Variants in ANKFN1 observed in about 807,000 individuals in gnomAD.
The protein encoded by ANKFN1 is ankyrin repeat and fibronectin type III domain containing 1.
ANKFN1 carries 74 observed loss-of-function variants against 108.7 expected under a neutral mutation model. That is an observed-to-expected ratio of 0.68 (90% CI 0.56 to 0.83). ANKFN1 has a LOEUF of 0.83. ANKFN1 is among the 40% of genes least tolerant of loss of function. The pLI, the probability that ANKFN1 is intolerant of heterozygous loss-of-function variation, is 0.00. For missense variants in ANKFN1, 1,505 were observed against 1,382.3 expected, an observed-to-expected ratio of 1.09 and a Z score of -1.41; for synonymous variants, 547 against 516.2, an observed-to-expected ratio of 1.06 and a Z score of -0.81.
intron 8 of ANKFN1, among the ~76,000 whole-genome samples, chr17:56,377,784 G>A (rs936757839): frequency 2.0e-5 from 3 of 152,172 alleles, no homozygotes; most frequent in Non-Finnish European, 2.9e-5. Context: ...GGTTAGGAAG[G>A]CATCCTGAAA....
intron 6 of ANKFN1, among the ~76,000 whole-genome samples, chr17:56,369,706 A>G (rs181579211): frequency 1.8e-3 from 276 of 152,324 alleles, no homozygotes; most frequent in African/African-American, 6.0e-3. Context: ...TAGTAGACAA[A>G]AAAAATCTTT....
intron 14 of ANKFN1, among the ~76,000 whole-genome samples, chr17:56,465,785 T>A (rs1458848517): frequency 6.6e-6 from 1 of 152,210 alleles, no homozygotes; most frequent in Non-Finnish European, 1.5e-5. Context: ...GATTTTTAAA[T>A]AAACAGAAGC....
Position 56,513,072 on chromosome 17 carries a change from A to G in ANKFN1, c.*1803A>G, listed in dbSNP as rs187243273. ...AGTCCGTGGGTTTGCAGGTAGGGCA[A>G]TTAAGACCCAGAGAGGTTAAGTAAC... is the stretch of plus-strand genomic sequence containing the variant. On this transcript the variant is annotated 3_prime_UTR_variant, in exon 21 of 21. Transcript: ENST00000682825. 1.1e-3 allele frequency among the ~76,000 whole-genome samples: 166 copies of G among 152,336 alleles called. No individual in the cohort carries two copies. Among genetic ancestry groups the G allele is most frequent in the African/African-American group, 3.7e-3 (155 of 41,572 alleles).
intron 3 of ANKFN1, among the ~76,000 whole-genome samples, chr17:56,313,953 C>T (rs1298852414): frequency 6.6e-6 from 1 of 152,212 alleles, no homozygotes; most frequent in Non-Finnish European, 1.5e-5. Flanking sequence ...ACAACCTAGG[C>T]AGCCAGTGTT....
intron 1 of ANKFN1, among the ~76,000 whole-genome samples, chr17:56,173,424 T>C (rs559306439): frequency 6.8e-4 from 103 of 152,336 alleles, no homozygotes; most frequent in Non-Finnish European, 1.2e-3. Context: ...TGGTTTATAC[T>C]GCATAGACAC....
At chr17:56,337,554 G>A (rs1044621138) in intron 4 of ANKFN1, among the ~76,000 whole-genome samples, 1 of 152,024 alleles carries the variant, frequency 6.6e-6, no homozygotes, top group Non-Finnish European at 1.5e-5. Context: ...GACAATTTTT[G>A]CAATCTACTC....
At chr17:56,282,988 T>A (rs1405458887) in intron 3 of ANKFN1, among the ~76,000 whole-genome samples, 1 of 152,220 alleles carries the variant, frequency 6.6e-6, no homozygotes, top group Admixed American at 6.5e-5. Context: ...ACTTTTATTT[T>A]AGGTTCAGGG....
chr17:56,228,097 C>A, intron 3 of ANKFN1, 140 bp downstream of exon 3: 2 of 676,602 alleles, frequency 3.0e-6, no homozygotes, highest in Non-Finnish European at 4.8e-6. Context: ...ACATTTCATA[C>A]TATTGATTTG....
At chr17:56,065,807 C>G (rs191718258) in intron 4 of ANKFN1, among the ~76,000 whole-genome samples, 6 of 152,178 alleles carry the variant, frequency 3.9e-5, no homozygotes, top group African/African-American at 1.2e-4. Context: ...ATAACAGATA[C>G]AGTAATAACG....
intron 3 of ANKFN1, among the ~76,000 whole-genome samples, chr17:56,270,892 T>C (rs2043775783): frequency 6.6e-6 from 1 of 152,226 alleles, no homozygotes; most frequent in East Asian, 1.9e-4. Flanking sequence ...CCCTTATCAC[T>C]CCAGCTATAG....
chr17:56,377,889 TG>T (rs1473683751), intron 8 of ANKFN1, among the ~76,000 whole-genome samples: 1 of 152,118 alleles, frequency 6.6e-6, no homozygotes, highest in Admixed American at 6.5e-5. Context: ...GGCCACACCT[TG>T]GGGTTTGCTA....
chr17:56,396,723 C>A (rs1398518738), intron 8 of ANKFN1, among the ~76,000 whole-genome samples: 1 of 152,096 alleles, frequency 6.6e-6, no homozygotes, highest in Non-Finnish European at 1.5e-5. Flanking sequence ...GGAGTAGGTA[C>A]TACTATTATC....
chr17:56,442,699 G>C, intron 9 of ANKFN1, 144 bp from the exon 10 acceptor site: 1 of 591,848 alleles, frequency 1.7e-6, no homozygotes, highest in Non-Finnish European at 2.8e-6. Context: ...TAGTTCTGTT[G>C]CCCATGAACT....
chr17:56,488,711 C>T (rs1185454486), intron 18 of ANKFN1, among the ~76,000 whole-genome samples: 2 of 152,250 alleles, frequency 1.3e-5, no homozygotes, highest in Admixed American at 6.5e-5. Flanking sequence ...TTGGCAAAGA[C>T]TCATTGAACT....
intron 3 of ANKFN1, among the ~76,000 whole-genome samples, chr17:56,278,623 G>A (rs778227371): frequency 6.6e-6 from 1 of 152,194 alleles, no homozygotes; most frequent in Non-Finnish European, 1.5e-5. Flanking sequence ...TTTTGAATAT[G>A]CATCTTGCCC....
chr17:56,340,752 G>T (rs1167869488), intron 4 of ANKFN1, among the ~76,000 whole-genome samples: 1 of 152,030 alleles, frequency 6.6e-6, no homozygotes, highest in Non-Finnish European at 1.5e-5. Context: ...CTCCAGCTTT[G>T]TTCTTTTTGC....
In ANKFN1 at chr17:56,466,402, T is replaced by G. The variant is rs1182262939; in HGVS notation, c.1604T>G (p.Ile535Ser). The change falls in exon 15 of 21, where the codon ATT becomes AGT. Residue 535 changes from isoleucine to serine, a missense_variant. Coordinates refer to ENST00000682825, the MANE Select transcript of ANKFN1 (RefSeq NM_001370326.1). ...TTGGGAAGAGTTTACTATGAGCCCA[T>G]TAAAGATCGACATGGAAACATACTC... Reference protein sequence around the residue: ...HNLGRVYYEPIKDRHGNILIV... With the variant: ...HNLGRVYYEPSKDRHGNILIV... 5 of 1,614,050 alleles carry G rather than the reference T, an allele frequency of 3.1e-6. No homozygotes were observed. The highest frequency in any genetic ancestry group is 4.2e-6 in the Non-Finnish European group (5 of 1,180,016).
At chr17:56,350,547 C>T (rs563858625) in intron 4 of ANKFN1, among the ~76,000 whole-genome samples, 1 of 152,194 alleles carries the variant, frequency 6.6e-6, no homozygotes, top group Admixed American at 6.6e-5. Flanking sequence ...TCATTCCTGC[C>T]ACCAATTAGC....
chr17:56,405,054 G>A (rs1411296746), intron 8 of ANKFN1, among the ~76,000 whole-genome samples: 1 of 152,214 alleles, frequency 6.6e-6, no homozygotes, highest in African/African-American at 2.4e-5. Context: ...ACCTGTTCCA[G>A]TGGAGGTGGT....
Sources: gnomAD v4.1 joint callset for allele counts (sites outside exome capture counted in the v4.1 genomes callset) on GRCh38, gnomAD v4.1.1 for gene constraint, MANE v1.5 for transcripts, NCBI Gene and HGNC (gene_info 2026-07-23, HGNC 2026-07-21) for gene names.